Variants in COL20A1 observed in about 807,000 individuals in gnomAD.
The protein encoded by COL20A1 is collagen alpha-1(XX) chain.
COL20A1 carries 164 observed loss-of-function variants against 152.9 expected under a neutral mutation model. That is an observed-to-expected ratio of 1.07 (90% confidence interval 0.94 to 1.22). COL20A1 has a LOEUF of 1.22. COL20A1 is among the 50% of genes most tolerant of loss of function. COL20A1 has a pLI of 0.00. For synonymous variants in COL20A1, 864 were observed against 756.0 expected (o/e 1.14, Z -2.34); for missense variants, 1,873 against 1,744.8 (o/e 1.07, Z -1.31).
At position 63,320,312 on chromosome 20, in the gene COL20A1, A is replaced by G. The variant is rs1360343070; in HGVS notation, c.3097A>G (p.Ile1033Val). 28 of 1,610,688 alleles carry G rather than the reference A, an allele frequency of 1.7e-5. No homozygotes were observed. The highest frequency in any genetic ancestry group is 2.4e-5 in the Non-Finnish European group (28 of 1,179,830). Residue 1033 changes from isoleucine (I) to valine (V), a missense_variant, in exon 25 of 36, where the codon ATC becomes GTC. Ile to Val is a conservative substitution (Grantham distance 29, BLOSUM62 3). Transcript: ENST00000358894. ...SAAFQLQMLQ[I>V]VCSDTWADED... is the part of the protein sequence containing the mutation. ...GCAGTTTCAGCTCCAGATGCTGCAGATCGTGTGCAGTGACACCTGGGCCGA... is the reference window on the plus strand; with the variant it reads ...GCAGTTTCAGCTCCAGATGCTGCAGGTCGTGTGCAGTGACACCTGGGCCGA...
intron 9 of COL20A1, 75 bp downstream of exon 9, chr20:63,309,572 G>A (rs2067976968): frequency 1.5e-6 from 2 of 1,365,958 alleles, no homozygotes; most frequent in Non-Finnish European, 1.9e-6. Flanking sequence ...GGACGCTGTG[G>A]CTCCCGTGTG....
Position 63,328,125 on chromosome 20 carries a change from C to T in COL20A1, c.3611C>T (p.Ala1204Val). 1 of 1,613,118 alleles carries T rather than the reference C, an allele frequency of 6.2e-7. No homozygotes were observed. The highest frequency in any genetic ancestry group is 8.5e-7 in the Non-Finnish European group (1 of 1,179,790). ...LATLYQLVSQASHVSKFDSFH... is the reference protein window; with the variant it reads ...LATLYQLVSQVSHVSKFDSFH... ...ACCCTCTACCAGCTTGTGAGCCAGG[C>T]CTGTGAGTCTGCCATTCAGAGTGAG... The change falls in exon 33 of 36, where the codon GCC (alanine) becomes GTC (valine). Residue 1204 changes from alanine to valine, a missense_variant and splice_region_variant. Physicochemically the swap from Ala to Val is moderately conservative, Grantham distance 64. Transcript: ENST00000358894.
Position 63,319,523 on chromosome 20 carries a change from C to G in COL20A1, c.2843C>G (p.Pro948Arg). The G allele has an allele frequency of 1.3e-6, 2 of 1,594,904 alleles. No homozygotes were observed. The part of the protein sequence containing the change: ...KKSLTYFHRD[P>R]RAALQEATFD... Reference sequence around the variant, plus strand: ...TCCCTGACCTACTTCCACCGTGACCCCAGGGCTGCCTTGCAGGAGGCCACC... The same window carrying G: ...TCCCTGACCTACTTCCACCGTGACCGCAGGGCTGCCTTGCAGGAGGCCACC... Residue 948 changes from proline to arginine, a missense_variant, in exon 23 of 36, where the codon CCC becomes CGC. Coordinates refer to ENST00000358894, the MANE Select transcript of COL20A1 (RefSeq NM_020882.4). This position sits in a 1 kb window ranked among gnomAD's most constrained non-coding sequence, Gnocchi z 4.4.
rs985876346 is a variant in COL20A1, at chr20:63,333,573, G to C, written c.*2857G>C. 5 of 152,260 alleles carry C rather than the reference G, an allele frequency of 3.3e-5. No individual in the cohort carries two copies. The highest frequency in any genetic ancestry group is 1.2e-4 in the African/African-American group (5 of 41,458). The allele number at this position is 152,260 out of a possible 1,614,324, so 9.4% of individuals were successfully genotyped here. A position where few individuals can be genotyped will look rare whatever the true frequency, so the allele number is the denominator to read the frequency against. On this transcript the variant is annotated 3_prime_UTR_variant, in exon 36 of 36. Transcript: ENST00000358894. Reference sequence around the variant, plus strand: ...AGCTCCAGGCCTTCACAGCCCCTCTGAGAGCCACCTGCAAGGTGGGGAGCT... The same window carrying C: ...AGCTCCAGGCCTTCACAGCCCCTCTCAGAGCCACCTGCAAGGTGGGGAGCT...
chr20:63,307,976 A>C lies in COL20A1; in HGVS notation c.661A>C (p.Thr221Pro). The C allele has an allele frequency of 6.2e-7, 1 of 1,612,206 alleles. No individual in the cohort carries two copies. The highest frequency in any genetic ancestry group is 8.5e-7 in the Non-Finnish European group (1 of 1,179,632). Residue 221 changes from threonine (T) to proline (P), a missense_variant, in exon 7 of 36, where the codon ACT becomes CCT. Thr to Pro is a conservative substitution (Grantham distance 38). Coordinates refer to ENST00000358894, the MANE Select transcript of COL20A1 (RefSeq NM_020882.4). ...GCCATGCCCCTGCTCCCCAGGCCTG[A>C]CTCAGTACAGCGGGGATGCTCAGAC... Reference protein sequence around the residue: ...IGPDKVQVGLTQYSGDAQTEW... With the variant: ...IGPDKVQVGLPQYSGDAQTEW...
At chr20:63,308,472 G>A in intron 7 of COL20A1, 70 bp from the exon 8 acceptor site, 1 of 1,397,148 alleles carries the variant, frequency 7.2e-7, no homozygotes, top group Non-Finnish European at 9.6e-7. Flanking sequence ...CTGCTGTCCG[G>A]TTGCTGCCAG....
At chr20:63,308,928 A>C (rs61732285) in intron 8 of COL20A1, among the ~76,000 whole-genome samples, 13,306 of 151,644 alleles carry the variant, frequency 0.088, 866 homozygotes, top group African/African-American at 0.17. Flanking sequence ...CCGTGGAACC[A>C]CCCCAACCCT....
intron 20 of COL20A1, 26 bp downstream of exon 20, chr20:63,315,465 C>T (rs1232016497): frequency 1.3e-6 from 2 of 1,555,128 alleles, no homozygotes; most frequent in Non-Finnish European, 1.7e-6. Context: ...CCTCCCCTGC[C>T]TGCCCACCCA....
rs2068043157 is a variant in COL20A1, at chr20:63,313,461, C to G, written c.2209+212C>G. ...CCCCAGTGGCCGAGTGCACAAACCA[C>G]CTAGTGTCCCGCAGGGCAGCCCAGG... On this transcript the variant is annotated intron_variant, in intron 17 of 35. Coordinates refer to ENST00000358894, the MANE Select transcript of COL20A1 (RefSeq NM_020882.4). The surrounding 1 kb of genome is among the most constrained non-coding windows in gnomAD (Gnocchi z 5.9). Among the ~76,000 whole-genome samples the G allele has an allele frequency of 1.3e-5, 2 of 152,178 alleles. No homozygotes were observed. The highest frequency in any genetic ancestry group is 6.5e-5 in the Admixed American group (1 of 15,282).
intron 35 of COL20A1, among the ~76,000 whole-genome samples, chr20:63,330,166 G>A (rs1426262495): frequency 6.6e-6 from 1 of 152,130 alleles, no homozygotes; most frequent in African/African-American, 2.4e-5. Context: ...CTCAGGAAGC[G>A]CTGGGCAGGC....
chr20:63,308,215 C>A, intron 7 of COL20A1, 125 bp downstream of exon 7: 2 of 1,173,212 alleles, frequency 1.7e-6, no homozygotes, highest in Non-Finnish European at 2.4e-6. Flanking sequence ...CTGTTCACAC[C>A]TTTATAGAGG....
Position 63,323,102 on chromosome 20 carries a change from G to A in COL20A1, c.3294+991G>A, listed in dbSNP as rs541576716. Reference sequence around the variant, plus strand: ...TGCATTCCTGGCTGCTTTGGGAGCCGCGTCTGATAGATGAAAATGCATTTC... The same window carrying A: ...TGCATTCCTGGCTGCTTTGGGAGCCACGTCTGATAGATGAAAATGCATTTC... On this transcript the variant is annotated intron_variant, in intron 27 of 35. Coordinates refer to ENST00000358894, the MANE Select transcript of COL20A1 (RefSeq NM_020882.4). Among the ~76,000 whole-genome samples the A allele has an allele frequency of 7.7e-4, 118 of 152,386 alleles. 1 individual carries two copies. Among genetic ancestry groups the A allele is most frequent in the South Asian group, 1.2e-3 (6 of 4,830 alleles).
In COL20A1 at chr20:63,319,376, A is replaced by G. The variant is rs2068127134; in HGVS notation, c.2807-111A>G. On this transcript the variant is annotated intron_variant, in intron 22 of 35. Coordinates refer to ENST00000358894, the MANE Select transcript of COL20A1 (RefSeq NM_020882.4). This position sits in a 1 kb window ranked among gnomAD's most constrained non-coding sequence, Gnocchi z 4.4. Reference sequence around the variant, plus strand: ...GTGGGCCACATTGAGGGTCACCTCCAGCTTGGCACCCTCAGGGCTGCTCCT... The same window carrying G: ...GTGGGCCACATTGAGGGTCACCTCCGGCTTGGCACCCTCAGGGCTGCTCCT... The G allele has an allele frequency of 9.3e-7, 1 of 1,078,062 alleles. No homozygotes were observed. The highest frequency in any genetic ancestry group is 1.3e-6 in the Non-Finnish European group (1 of 748,706). 66.8% of individuals were successfully genotyped at this position (1,078,062 alleles called of 1,614,324 possible).
In COL20A1 at chr20:63,329,375, GCC is replaced by G. The variant is rs546567011; in HGVS notation, c.3782-204_3782-203del. 1,331 of 581,900 alleles carry G rather than the reference GCC, an allele frequency of 2.3e-3. 5 individuals are homozygous for G. Among genetic ancestry groups the G allele is most frequent in the Non-Finnish European group, 3.5e-3 (1,142 of 326,834 alleles). 36.0% of individuals were successfully genotyped at this position (581,900 alleles called of 1,614,324 possible). On this transcript the variant is annotated intron_variant, in intron 34 of 35. Coordinates refer to ENST00000358894, the MANE Select transcript of COL20A1 (RefSeq NM_020882.4). ...ACCTGACGCCTTCCCACCTGGCCAT[GCC>G]CCCCCAGAACTGTCATGGAGCCCAG...
rs914404129 is a variant in COL20A1, at chr20:63,309,492, G to A, written c.1100G>A (p.Gly367Asp). ...CTCCAGGGTGGGAGCCCGCGGCAGGGCCCAGGTGAGGGGCAGGGTCACCCG... is the reference window on the plus strand; with the variant it reads ...CTCCAGGGTGGGAGCCCGCGGCAGGACCCAGGTGAGGGGCAGGGTCACCCG... ...QRLQGGSPRQ[G>D]PAAAPALDTL... is the part of the protein sequence containing the mutation. The change falls in exon 9 of 36, where the codon GGC becomes GAC. Residue 367 changes from glycine to aspartate, a missense_variant. By Grantham distance (94) the Gly-to-Asp change is moderately conservative (BLOSUM62 -1). Coordinates refer to ENST00000358894, the MANE Select transcript of COL20A1 (RefSeq NM_020882.4). The A allele has an allele frequency of 3.3e-6, 5 of 1,517,846 alleles. No individual in the cohort carries two copies. The African/African-American group carries it at 6.9e-5, about 21-fold the overall frequency. 94.0% of individuals were successfully genotyped at this position (1,517,846 alleles called of 1,614,324 possible). A position where few individuals can be genotyped will look rare whatever the true frequency, so the allele number is the denominator to read the frequency against.
At chr20:63,304,191 G>A (rs1434233052) in intron 3 of COL20A1, among the ~76,000 whole-genome samples, 1 of 114,288 alleles carries the variant, frequency 8.7e-6, no homozygotes, top group East Asian at 2.9e-4. Context: ...AGGTGTGCAT[G>A]TGTGGGTTCC....
chr20:63,331,764 A>G lies in COL20A1; in HGVS notation c.*1048A>G, dbSNP rs1045904667. 6 of 152,294 alleles carry G rather than the reference A, an allele frequency of 3.9e-5. No homozygotes were observed. Among genetic ancestry groups the G allele is most frequent in the African/African-American group, 1.2e-4 (5 of 41,462 alleles). The allele number at this position is 152,294 out of a possible 1,614,324, so 9.4% of individuals were successfully genotyped here. A position where few individuals can be genotyped will look rare whatever the true frequency, so the allele number is the denominator to read the frequency against. ...GGTGCCAGAAATGAAGAGGGAAGCCATATCATTGAGGAGAGAATGAAAAGT... is the reference window on the plus strand; with the variant it reads ...GGTGCCAGAAATGAAGAGGGAAGCCGTATCATTGAGGAGAGAATGAAAAGT... On this transcript the variant is annotated 3_prime_UTR_variant, in exon 36 of 36. Transcript: ENST00000358894.
intron 3 of COL20A1, among the ~76,000 whole-genome samples, chr20:63,299,904 G>A (rs566881747): frequency 5.6e-4 from 84 of 151,066 alleles, no homozygotes; most frequent in African/African-American, 1.5e-3. Context: ...GTGTGTGTGT[G>A]TATATATATA....
At chr20:63,317,662 G>A (rs971222405) in intron 21 of COL20A1, among the ~76,000 whole-genome samples, 6 of 151,934 alleles carry the variant, frequency 3.9e-5, no homozygotes, top group East Asian at 1.9e-4. Context: ...TGGTCACCAC[G>A]GTGTCTTCGT....
Sources: gnomAD v4.1 joint callset for allele counts (sites outside exome capture counted in the v4.1 genomes callset) on GRCh38, gnomAD v4.1.1 for gene constraint, Gnocchi (gnomAD v3.1) non-coding constraint, MANE v1.5 for transcripts, NCBI Gene and HGNC (gene_info 2026-07-23, HGNC 2026-07-21) for gene names.